Variants in ARHGAP6 observed in about 807,000 individuals in gnomAD.
ARHGAP6 encodes the protein Rho GTPase activating protein 6, also known as rho GTPase-activating protein 6.
Under a neutral mutation model 55.7 loss-of-function variants are expected in ARHGAP6, and 16 were observed. That is an observed-to-expected ratio of 0.29 (90% CI 0.19 to 0.44). The LOEUF (loss-of-function observed/expected upper bound fraction) is 0.44. Among genes scored for constraint, ARHGAP6 ranks in the 20% least tolerant of loss-of-function variants. The pLI, the probability that ARHGAP6 is intolerant of heterozygous loss-of-function variation, is 1.00. For missense variants in ARHGAP6, 698 were observed against 808.9 expected (o/e 0.86, Z 1.66); for synonymous variants, 382 against 360.9 (o/e 1.06, Z -0.66).
At chrX:11,179,717 GTA>G (rs1358373054) in intron 6 of ARHGAP6, among the ~76,000 whole-genome samples, 4 of 100,012 alleles carry the variant, frequency 4.0e-5, no homozygotes, top group African/African-American at 1.5e-4. Context: ...TATATGTATT[GTA>G]TATATATGTA....
intron 1 of ARHGAP6, among the ~76,000 whole-genome samples, chrX:11,490,844 C>T (rs2050560215): frequency 8.9e-6 from 1 of 112,295 alleles, no homozygotes; most frequent in South Asian, 3.7e-4. Flanking sequence ...ACGAATTTGA[C>T]TTCACTTTGG....
intron 1 of ARHGAP6, chrX:11,427,738 C>T (rs985801579): frequency 5.4e-5 from 41 of 766,299 alleles, no homozygotes; most frequent in Non-Finnish European, 5.7e-5. Context: ...TGCAAAGCGC[C>T]CCTGGCACAG....
chrX:11,357,822 T>C (rs1220148443), intron 1 of ARHGAP6, among the ~76,000 whole-genome samples: 1 of 112,238 alleles, frequency 8.9e-6, no homozygotes, highest in African/African-American at 3.2e-5. Context: ...ATAGAAAAGC[T>C]AGAACTACTA....
At chrX:11,487,803 T>C (rs112415645) in intron 1 of ARHGAP6, among the ~76,000 whole-genome samples, 9,088 of 111,118 alleles carry the variant, frequency 0.082, 410 homozygotes, top group East Asian at 0.18. Flanking sequence ...TAGGAAGAGA[T>C]GAATTGTTTT....
intron 1 of ARHGAP6, among the ~76,000 whole-genome samples, chrX:11,564,548 C>A (rs1430200665): frequency 1.8e-5 from 2 of 109,921 alleles, no homozygotes; most frequent in African/African-American, 3.3e-5. Context: ...AATATTAATT[C>A]ATCTGAACAC....
At chrX:11,427,391 G>C (rs1017783051) in intron 1 of ARHGAP6, among the ~76,000 whole-genome samples, 3 of 112,545 alleles carry the variant, frequency 2.7e-5, no homozygotes, top group African/African-American at 9.7e-5. Context: ...CACTGAGTTA[G>C]TGAGCAGGTG....
At chrX:11,551,056 A>G (rs890736084) in intron 1 of ARHGAP6, among the ~76,000 whole-genome samples, 8 of 111,972 alleles carry the variant, frequency 7.1e-5, no homozygotes, top group Non-Finnish European at 1.3e-4. Flanking sequence ...TAGGGGAGAG[A>G]AGCAAGATTC....
chrX:11,658,667 A>G (rs1391821035), intron 1 of ARHGAP6, among the ~76,000 whole-genome samples: 1 of 105,466 alleles, frequency 9.5e-6, no homozygotes, highest in East Asian at 2.9e-4. Context: ...ATACCCATAG[A>G]AAGTCATTTT....
At chrX:11,630,240 A>G (rs1339688323) in intron 1 of ARHGAP6, among the ~76,000 whole-genome samples, 1 of 112,102 alleles carries the variant, frequency 8.9e-6, no homozygotes, top group Non-Finnish European at 1.9e-5. Context: ...CGTTACATTC[A>G]GTTAAAAAGA....
chrX:11,222,566 A>C (rs2046987231), intron 2 of ARHGAP6, among the ~76,000 whole-genome samples: 1 of 112,232 alleles, frequency 8.9e-6, no homozygotes, highest in Admixed American at 9.5e-5. Context: ...TTGTGGATAA[A>C]AATGTCATAT....
At chrX:11,388,894 C>A (rs2049367036) in intron 1 of ARHGAP6, among the ~76,000 whole-genome samples, 1 of 111,855 alleles carries the variant, frequency 8.9e-6, no homozygotes, top group Non-Finnish European at 1.9e-5. Context: ...TACCATTGGT[C>A]TTCACACTGA....
At chrX:11,623,646 G>A (rs1282436703) in intron 1 of ARHGAP6, among the ~76,000 whole-genome samples, 2 of 102,712 alleles carry the variant, frequency 1.9e-5, no homozygotes, top group Non-Finnish European at 3.9e-5. Flanking sequence ...GCAGTGAGCC[G>A]AGATCGCGCC....
chrX:11,569,736 T>A (rs1362720058), intron 1 of ARHGAP6, among the ~76,000 whole-genome samples: 2 of 111,584 alleles, frequency 1.8e-5, no homozygotes, highest in African/African-American at 3.3e-5. Context: ...CTCTTGAAAA[T>A]TCCTTCTGAC....
chrX:11,496,049 C>G (rs1228079545), intron 1 of ARHGAP6, among the ~76,000 whole-genome samples: 4 of 112,070 alleles, frequency 3.6e-5, no homozygotes, highest in African/African-American at 1.3e-4. Context: ...ACCAGTTGAG[C>G]CTTCAGATAA....
At chrX:11,485,407 C>T (rs2050501889) in intron 1 of ARHGAP6, among the ~76,000 whole-genome samples, 2 of 112,240 alleles carry the variant, frequency 1.8e-5, no homozygotes, top group African/African-American at 3.2e-5. Context: ...CAGCTGAATG[C>T]ATTGGAAGTA....
chrX:11,186,108 C>G (rs1397451624), intron 5 of ARHGAP6, 128 bp downstream of exon 5: 11 of 651,814 alleles, frequency 1.7e-5, no homozygotes, highest in South Asian at 1.2e-4. Context: ...CATCTGTACA[C>G]TTTCACACAG....
intron 1 of ARHGAP6, among the ~76,000 whole-genome samples, chrX:11,630,134 T>C (rs1035831848): frequency 8.1e-5 from 9 of 111,342 alleles, no homozygotes; most frequent in Admixed American, 3.8e-4. Flanking sequence ...TCAACAAAAA[T>C]GTATTACCAA....
rs1040998347 is a variant in ARHGAP6, at chrX:11,637,211, A to G, written c.588+27030T>C. ...TTTTTTAAGAGCCATTTTTAGAAAG[A>G]TCCTTATTGCCCAGCATCCATTACT... On this transcript the variant is annotated intron_variant, in intron 1 of 12. Transcript: ENST00000337414. Among the ~76,000 whole-genome samples the G allele has an allele frequency of 1.8e-5, 2 of 111,292 alleles. 1 individual carries two copies. Among genetic ancestry groups the G allele is most frequent in the Non-Finnish European group, 3.8e-5 (2 of 52,861 alleles).
At position 11,188,939 on chromosome X, in the gene ARHGAP6, G is replaced by A. The variant is rs770470448; in HGVS notation, c.866C>T (p.Ala289Val). 7 of 1,210,955 alleles carry A rather than the reference G, an allele frequency of 5.8e-6. No homozygotes were observed. Among genetic ancestry groups the A allele is most frequent in the South Asian group, 1.8e-5 (1 of 56,918 alleles). ...AFGMPLSQVI[A>V]NDRAYKLKQD... ...CTTGAGTTTATAGGCCCTGTCATTC[G>A]CAATGACTTGGGATAAGGGCATTCC... Residue 289 changes from alanine to valine, a missense_variant, in exon 4 of 13, where the codon GCG becomes GTG. Around this residue, in one of 3 missense-constraint regions of ARHGAP6, gnomAD observed 322 missense variants for 451.1 expected, o/e 0.71. Coordinates refer to ENST00000337414, the MANE Select transcript of ARHGAP6 (RefSeq NM_013427.3).
Sources: gnomAD v4.1 joint callset for allele counts (sites outside exome capture counted in the v4.1 genomes callset) on GRCh38, gnomAD v4.1.1 for gene constraint, gnomAD v4.1.1 regional missense constraint, MANE v1.5 for transcripts, NCBI Gene and HGNC (gene_info 2026-07-23, HGNC 2026-07-21) for gene names.